The following CPQ variants were observed in gnomAD, a reference collection of about 807,000 sequenced individuals.
CPQ encodes carboxypeptidase Q, also known as Ser-Met dipeptidase.
A neutral mutation model predicts 45.7 loss-of-function variants in CPQ; 37 were observed. The ratio of observed to expected loss-of-function variants is 0.81; its 90% CI spans 0.62 to 1.07. The LOEUF is 1.07. CPQ is among the 50% of genes least tolerant of loss of function. CPQ has a pLI of 0.00. For synonymous variants in CPQ, 186 were observed against 205.8 expected (o/e 0.90, Z 0.82); for missense variants, 537 against 572.9 (o/e 0.94, Z 0.64).
intron 1 of CPQ, among the ~76,000 whole-genome samples, chr8:96,741,116 C>A (rs1001217483): frequency 6.6e-6 from 1 of 152,088 alleles, no homozygotes; most frequent in African/African-American, 2.4e-5. Flanking sequence ...GACTCTTTTT[C>A]GTTGGTAAGC....
At chr8:96,852,258 A>G (rs1016556524) in intron 3 of CPQ, among the ~76,000 whole-genome samples, 8 of 152,360 alleles carry the variant, frequency 5.3e-5, no homozygotes, top group Middle Eastern at 3.4e-3. Context: ...TGTCAAAAGC[A>G]TATCACATTT....
chr8:97,044,004 A>G (rs902479066), intron 6 of CPQ, among the ~76,000 whole-genome samples: 6 of 152,150 alleles, frequency 3.9e-5, no homozygotes, highest in Admixed American at 6.5e-5. Flanking sequence ...GGCGTTCTCT[A>G]TATTTCCTGA....
At chr8:96,719,010 C>A (rs1346311785) in intron 1 of CPQ, among the ~76,000 whole-genome samples, 1 of 152,266 alleles carries the variant, frequency 6.6e-6, no homozygotes. Flanking sequence ...ACTCAGAAGC[C>A]CAGCTGGCTT....
At chr8:96,744,959 T>G (rs1177190637) in intron 1 of CPQ, among the ~76,000 whole-genome samples, 1 of 152,212 alleles carries the variant, frequency 6.6e-6, no homozygotes, top group East Asian at 1.9e-4. Context: ...CCTATTATTT[T>G]GAACTATCCC....
At chr8:97,035,402 G>T (rs1175163462) in intron 6 of CPQ, among the ~76,000 whole-genome samples, 1 of 152,120 alleles carries the variant, frequency 6.6e-6, no homozygotes, top group Non-Finnish European at 1.5e-5. Context: ...TAATTGCTGG[G>T]TCATATGATA....
At chr8:97,086,689 T>C (rs890401726) in intron 7 of CPQ, among the ~76,000 whole-genome samples, 1 of 152,194 alleles carries the variant, frequency 6.6e-6, no homozygotes, top group Non-Finnish European at 1.5e-5. Flanking sequence ...TTATCCCATA[T>C]ATCAAATAAT....
intron 6 of CPQ, among the ~76,000 whole-genome samples, chr8:97,057,497 G>A (rs1810475637): frequency 6.6e-6 from 1 of 152,104 alleles, no homozygotes; most frequent in African/African-American, 2.4e-5. Flanking sequence ...GATAATGAGA[G>A]CTCAGTAATA....
intron 3 of CPQ, among the ~76,000 whole-genome samples, chr8:96,837,552 T>A (rs1811546497): frequency 6.6e-6 from 1 of 152,026 alleles, no homozygotes; most frequent in South Asian, 2.1e-4. Context: ...CTTCCCTATA[T>A]CTCTGGCTTC....
At chr8:97,056,400 G>C (rs1810456770) in intron 6 of CPQ, 1 of 152,158 alleles carries the variant, frequency 6.6e-6, no homozygotes, top group South Asian at 2.1e-4. Context: ...AATTTCTATT[G>C]GTCAGGAGGA....
At chr8:96,745,671 T>G (rs1385545048) in intron 1 of CPQ, among the ~76,000 whole-genome samples, 1 of 152,236 alleles carries the variant, frequency 6.6e-6, no homozygotes, top group Non-Finnish European at 1.5e-5. Flanking sequence ...GGAATCATAC[T>G]CAATTTTGTA....
intron 4 of CPQ, among the ~76,000 whole-genome samples, chr8:96,915,120 G>A (rs576748562): frequency 2.1e-4 from 32 of 152,280 alleles, no homozygotes; most frequent in Middle Eastern, 3.4e-3. Context: ...CCAGAGAACT[G>A]TTGAGCACTC....
intron 1 of CPQ, among the ~76,000 whole-genome samples, chr8:96,779,769 A>G (rs1393510220): frequency 6.6e-6 from 1 of 152,230 alleles, no homozygotes; most frequent in Non-Finnish European, 1.5e-5. Context: ...TGCACCAACA[A>G]CACATTGGAA....
intron 7 of CPQ, among the ~76,000 whole-genome samples, chr8:97,086,688 A>C (rs1183466870): frequency 6.6e-6 from 1 of 152,198 alleles, no homozygotes; most frequent in East Asian, 1.9e-4. Flanking sequence ...ATTATCCCAT[A>C]TATCAAATAA....
chr8:96,996,705 G>C (rs1809184319), intron 5 of CPQ, among the ~76,000 whole-genome samples: 1 of 151,924 alleles, frequency 6.6e-6, no homozygotes, highest in South Asian at 2.1e-4. Flanking sequence ...TTTTCAACCA[G>C]TTGCTTGTGC....
At chr8:96,691,525 G>A (rs897670169) in intron 1 of CPQ, among the ~76,000 whole-genome samples, 3 of 152,114 alleles carry the variant, frequency 2.0e-5, no homozygotes, top group Non-Finnish European at 2.9e-5. Flanking sequence ...ACATTTAACA[G>A]TTATATATAT....
intron 7 of CPQ, among the ~76,000 whole-genome samples, chr8:97,100,536 C>T (rs1811285486): frequency 6.6e-6 from 1 of 152,112 alleles, no homozygotes; most frequent in Non-Finnish European, 1.5e-5. Context: ...AGGACTTAGA[C>T]ATCTATCTGG....
intron 7 of CPQ, among the ~76,000 whole-genome samples, chr8:97,113,092 G>A (rs1248490572): frequency 6.6e-6 from 1 of 152,204 alleles, no homozygotes; most frequent in Non-Finnish European, 1.5e-5. Flanking sequence ...CAGGTAAAGA[G>A]AAGCCCATGG....
In CPQ at chr8:97,123,152, T is replaced by A. The variant is rs866805231; in HGVS notation, c.1256-19868T>A. Among the ~76,000 whole-genome samples the A allele has an allele frequency of 7.9e-3, 144 of 18,118 alleles. 3 individuals carry two copies. Among genetic ancestry groups the A allele is most frequent in the South Asian group, 0.026 (18 of 692 alleles). 11.9% of individuals were successfully genotyped at this position (18,118 alleles called of 152,430 possible). Reference sequence around the variant, plus strand: ...ATAAAATAAAATAAAATAAAATAAATAAAATAAAATAAAATAAAATAAAAT... The same window carrying A: ...ATAAAATAAAATAAAATAAAATAAAAAAAATAAAATAAAATAAAATAAAAT... On this transcript the variant is annotated intron_variant, in intron 7 of 7. Coordinates refer to ENST00000220763, the MANE Select transcript of CPQ (RefSeq NM_016134.4).
intron 4 of CPQ, among the ~76,000 whole-genome samples, chr8:96,928,149 A>G (rs1303216138): frequency 6.6e-6 from 1 of 152,146 alleles, no homozygotes; most frequent in Non-Finnish European, 1.5e-5. Context: ...TTTTACTCTC[A>G]TGAAGCATTT....
Sources: allele counts gnomAD v4.1 joint callset (sites outside exome capture counted in the v4.1 genomes callset), GRCh38; gene constraint gnomAD v4.1.1; transcripts MANE v1.5; gene names NCBI Gene and HGNC (gene_info 2026-07-23, HGNC 2026-07-21).